WSCD2: variants seen among roughly 807,000 people sequenced by gnomAD.
WSCD2 encodes WSC domain sialate O sulfotransferase 2, also known as sialate:O-sulfotransferase 2.
In WSCD2, 28 loss-of-function variants were observed where a neutral mutation model predicts 55.7. The ratio of observed to expected loss-of-function variants is 0.50; its 90% CI spans 0.37 to 0.69. WSCD2 has a LOEUF of 0.69. Ranked by LOEUF, WSCD2 falls within the 30% of genes least tolerant of loss-of-function variation. The pLI is 0.00. For missense variants in WSCD2, 616 were observed against 762.1 expected (o/e 0.81, Z 2.26); for synonymous variants, 301 against 301.9 (o/e 1.00, Z 0.03).
At chr12:108,213,384 C>T (rs1401559787) in intron 4 of WSCD2, among the ~76,000 whole-genome samples, 16 of 152,146 alleles carry the variant, frequency 1.1e-4, no homozygotes, top group Admixed American at 1.0e-3. Context: ...AAGGGACAGC[C>T]ATGTGTTCTA....
Position 108,240,563 on chromosome 12 carries a change from G to C in WSCD2, c.1345+19G>C. The C allele has an allele frequency of 1.3e-6, 2 of 1,547,460 alleles. No homozygotes were observed. Among genetic ancestry groups the C allele is most frequent in the Non-Finnish European group, 1.8e-6 (2 of 1,133,860 alleles). On this transcript the variant is annotated intron_variant, in intron 8 of 8. Coordinates refer to ENST00000547525, the MANE Select transcript of WSCD2 (RefSeq NM_014653.4). The stretch of plus-strand genomic sequence containing the variant: ...GGCAAAGGTACAGCTCGGGAGAGGA[G>C]GGGAGGGGAGGGGAGGGGCTTCGGG...
At position 108,195,967 on chromosome 12, in the gene WSCD2, C is replaced by T; in HGVS notation, c.135C>T (p.Val45=). ...LHSGFVGQPA[V]SGNQANPAAA... ...CTGGCTTTGTGGGCCAGCCCGCTGT[C>T]TCGGGGAACCAGGCGAACCCCGCTG... Residue 45 remains valine (V), a synonymous_variant, in exon 2 of 9, where the codon GTC becomes GTT. Transcript: ENST00000547525. The T allele has an allele frequency of 6.2e-7, 1 of 1,614,226 alleles. No homozygotes were observed. Among genetic ancestry groups the T allele is most frequent in the Non-Finnish European group, 8.5e-7 (1 of 1,180,036 alleles).
chr12:108,177,379 C>T (rs78978621), intron 1 of WSCD2, among the ~76,000 whole-genome samples: 5,777 of 152,160 alleles, frequency 0.038, 323 homozygotes, highest in African/African-American at 0.13. Flanking sequence ...AGTTACTGGG[C>T]ACTTGCTGTG....
chr12:108,206,235 G>A (rs1885348247), intron 2 of WSCD2, 54 bp from the exon 3 acceptor site: 1 of 1,493,152 alleles, frequency 6.7e-7, no homozygotes, highest in Non-Finnish European at 9.3e-7. Flanking sequence ...GCTTCCTCCT[G>A]TAACCCTTGC....
intron 1 of WSCD2, among the ~76,000 whole-genome samples, chr12:108,146,143 T>C (rs1877369851): frequency 6.6e-6 from 1 of 152,258 alleles, no homozygotes; most frequent in Admixed American, 6.5e-5. Flanking sequence ...TTGTACATGA[T>C]GCAAATTGTA....
chr12:108,238,803 T>A (rs1354929522), intron 7 of WSCD2, among the ~76,000 whole-genome samples: 1 of 152,216 alleles, frequency 6.6e-6, no homozygotes, highest in African/African-American at 2.4e-5. Flanking sequence ...TTAGCTTGCA[T>A]GAGCTAAGGG....
At chr12:108,175,880 C>T (rs1350726768) in intron 1 of WSCD2, among the ~76,000 whole-genome samples, 1 of 152,180 alleles carries the variant, frequency 6.6e-6, no homozygotes, top group Non-Finnish European at 1.5e-5. Context: ...CGCTCTGTCG[C>T]CCAGGCTGGA....
intron 1 of WSCD2, among the ~76,000 whole-genome samples, chr12:108,160,700 C>G (rs541694127): frequency 7.2e-5 from 11 of 152,286 alleles, no homozygotes; most frequent in Admixed American, 7.2e-4. Flanking sequence ...GATGGGGACA[C>G]AAATCCAAAC....
chr12:108,247,896 G>A, intron 8 of WSCD2, 95 bp from the exon 9 acceptor site: 2 of 1,307,330 alleles, frequency 1.5e-6, no homozygotes, highest in Non-Finnish European at 2.1e-6. Context: ...TTACCGTGTT[G>A]TGCTGTGAAT....
chr12:108,177,609 A>C (rs921985206), intron 1 of WSCD2, among the ~76,000 whole-genome samples: 4 of 152,170 alleles, frequency 2.6e-5, no homozygotes, highest in Non-Finnish European at 5.9e-5. Flanking sequence ...TCCTTTGTTC[A>C]ACATTGTTCA....
chr12:108,243,928 G>T lies in WSCD2; in HGVS notation c.1345+3384G>T, dbSNP rs535097548. On this transcript the variant is annotated intron_variant, in intron 8 of 8. Transcript: ENST00000547525. The stretch of plus-strand genomic sequence containing the variant: ...AACCACCACCCCCACTCTGCTTTTG[G>T]TTCCATAGAGTTAATTTTACAATCT... Among the ~76,000 whole-genome samples, 52 of 152,234 alleles carry T rather than the reference G, an allele frequency of 3.4e-4. 1 individual carries two copies. In the Middle Eastern group the frequency reaches 0.01, roughly 30 times the overall value.
chr12:108,234,569 G>A (rs1384147241), intron 7 of WSCD2, among the ~76,000 whole-genome samples: 1 of 152,230 alleles, frequency 6.6e-6, no homozygotes, highest in African/African-American at 2.4e-5. Context: ...CTTATATCAG[G>A]ATTTGAACCC....
intron 6 of WSCD2, among the ~76,000 whole-genome samples, chr12:108,228,996 T>C (rs1888439211): frequency 6.6e-6 from 1 of 152,184 alleles, no homozygotes. Flanking sequence ...GGCTTTGAGG[T>C]GGCCAGAACA....
chr12:108,164,615 C>T (rs957560299), intron 1 of WSCD2, among the ~76,000 whole-genome samples: 2 of 152,118 alleles, frequency 1.3e-5, no homozygotes, highest in African/African-American at 4.8e-5. Context: ...GAGATTTAAG[C>T]ACTCATTTCT....
intron 4 of WSCD2, among the ~76,000 whole-genome samples, chr12:108,222,302 G>A (rs1312779771): frequency 6.6e-6 from 1 of 152,152 alleles, no homozygotes; most frequent in Non-Finnish European, 1.5e-5. Context: ...TCTGAGATGA[G>A]GCTCAATAAG....
rs1051419712 is a variant in WSCD2, at chr12:108,129,560, G to A, written c.-918G>A. The A allele has an allele frequency of 6.6e-6, 1 of 151,940 alleles. No individual in the cohort carries two copies. Among genetic ancestry groups the A allele is most frequent in the African/African-American group, 2.4e-5 (1 of 41,412 alleles). The allele number at this position is 151,940 out of a possible 1,614,324, so 9.4% of individuals were successfully genotyped here. On this transcript the variant is annotated 5_prime_UTR_variant, in exon 1 of 9. Coordinates refer to ENST00000547525, the MANE Select transcript of WSCD2 (RefSeq NM_014653.4). The stretch of plus-strand genomic sequence containing the variant: ...CCGAGCGCCAGGCTCACAGGAGCCC[G>A]GCTTTCACTTCCTCTCGCTTCCGCC...
At chr12:108,211,652 CAT>C (rs1293742272) in intron 4 of WSCD2, among the ~76,000 whole-genome samples, 1 of 107,720 alleles carries the variant, frequency 9.3e-6, no homozygotes. Context: ...TATATATATA[CAT>C]ATATATATAT....
chr12:108,237,033 C>T (rs1238607207), intron 7 of WSCD2, among the ~76,000 whole-genome samples: 1 of 152,184 alleles, frequency 6.6e-6, no homozygotes. Context: ...CCTCTCAGCC[C>T]AGCTGATGCA....
chr12:108,133,405 CTGTT>C (rs1263413291), intron 1 of WSCD2, among the ~76,000 whole-genome samples: 1 of 152,026 alleles, frequency 6.6e-6, no homozygotes, highest in Admixed American at 6.5e-5. Flanking sequence ...GCGTGTTTGC[CTGTT>C]TGTACAGCAG....
Sources: allele counts gnomAD v4.1 joint callset (sites outside exome capture counted in the v4.1 genomes callset), GRCh38; gene constraint gnomAD v4.1.1; transcripts MANE v1.5; gene names NCBI Gene and HGNC (gene_info 2026-07-23, HGNC 2026-07-21).